The following TENM3 variants were observed in gnomAD, a reference collection of about 807,000 sequenced individuals.
TENM3 encodes teneurin-3.
TENM3 carries 63 observed loss-of-function variants against 255.1 expected under a neutral mutation model. That is an observed-to-expected ratio of 0.25 (90% CI 0.20 to 0.30). The LOEUF (loss-of-function observed/expected upper bound fraction) is 0.30. Ranked by LOEUF, TENM3 falls within the 10% of genes least tolerant of loss-of-function variation. The pLI, the probability that TENM3 is intolerant of heterozygous loss-of-function variation, is 1.00. For missense variants in TENM3, 2,929 were observed against 3,461.1 expected (o/e 0.85, Z 3.86); for synonymous variants, 1,306 against 1,322.3 (o/e 0.99, Z 0.27).
At chr4:181,494,316 C>T in the TENM3 span, among the ~76,000 whole-genome samples, 1 of 152,116 alleles carries the variant, frequency 6.6e-6, no homozygotes, top group Non-Finnish European at 1.5e-5. Context: ...CAGAGTTTTG[C>T]TCTTGTTGCC....
At chr4:182,441,312 T>C (rs1050520348) in intron 3 of TENM3, among the ~76,000 whole-genome samples, 2 of 152,156 alleles carry the variant, frequency 1.3e-5, no homozygotes, top group African/African-American at 4.8e-5. Context: ...CTTAGGAGTA[T>C]GTGAGAGAGA....
At chr4:181,943,739 G>T in the TENM3 span, among the ~76,000 whole-genome samples, 3 of 152,080 alleles carry the variant, frequency 2.0e-5, no homozygotes, top group African/African-American at 7.2e-5. Context: ...ATATGCAAAG[G>T]CTTTTGCATA....
chr4:182,476,379 A>G (rs1733685899), intron 3 of TENM3, among the ~76,000 whole-genome samples: 1 of 152,200 alleles, frequency 6.6e-6, no homozygotes, highest in Admixed American at 6.5e-5. Context: ...AAAACCTGAT[A>G]GCATATTAAA....
chr4:181,538,464 AG>A, the TENM3 span, among the ~76,000 whole-genome samples: 1 of 146,080 alleles, frequency 6.8e-6, no homozygotes, highest in Admixed American at 6.9e-5. Flanking sequence ...TGGGATGGGG[AG>A]GGGGGCGTGG....
chr4:181,601,145 T>C, the TENM3 span, among the ~76,000 whole-genome samples: 1 of 152,202 alleles, frequency 6.6e-6, no homozygotes, highest in South Asian at 2.1e-4. Flanking sequence ...ATGGCTGCTG[T>C]AACCAATGAC....
chr4:182,784,151 T>G (rs2152815637), intron 24 of TENM3, among the ~76,000 whole-genome samples: 1 of 152,264 alleles, frequency 6.6e-6, no homozygotes, highest in South Asian at 2.1e-4. Context: ...AGTTTCCAGT[T>G]TTTCTGTTCT....
the TENM3 span, among the ~76,000 whole-genome samples, chr4:182,068,136 T>G: frequency 6.6e-6 from 1 of 152,132 alleles, no homozygotes; most frequent in Non-Finnish European, 1.5e-5. Context: ...AGAGTGATGA[T>G]TTGAATGTTA....
intron 6 of TENM3, among the ~76,000 whole-genome samples, chr4:182,658,588 G>A (rs144534433): frequency 6.9e-4 from 105 of 152,270 alleles, no homozygotes; most frequent in African/African-American, 2.4e-3. Flanking sequence ...TAAACTCCAC[G>A]TGTCTAAAAC....
chr4:181,797,312 A>C, the TENM3 span, among the ~76,000 whole-genome samples: 2 of 152,102 alleles, frequency 1.3e-5, no homozygotes, highest in Non-Finnish European at 1.5e-5. Flanking sequence ...GGGCCAATAC[A>C]TAATGGTGAA....
At chr4:181,537,289 G>T in the TENM3 span, among the ~76,000 whole-genome samples, 3 of 151,978 alleles carry the variant, frequency 2.0e-5, no homozygotes, top group Admixed American at 2.0e-4. Context: ...ATTTACCCTG[G>T]GAATATGGCC....
At chr4:181,811,772 T>A in the TENM3 span, among the ~76,000 whole-genome samples, 2 of 152,296 alleles carry the variant, frequency 1.3e-5, no homozygotes, top group Admixed American at 6.5e-5. Flanking sequence ...GTGATTCAAT[T>A]ACCTCCACCT....
At chr4:181,654,230 GAAAAA>G in the TENM3 span, among the ~76,000 whole-genome samples, 2 of 110,564 alleles carry the variant, frequency 1.8e-5, no homozygotes, top group African/African-American at 3.3e-5. Flanking sequence ...CTGCCTTCAG[GAAAAA>G]AAAAAAAAAA....
chr4:182,756,164 G>A (rs998135971), intron 22 of TENM3, among the ~76,000 whole-genome samples: 8 of 152,212 alleles, frequency 5.3e-5, no homozygotes, highest in Non-Finnish European at 1.0e-4. Flanking sequence ...AGTGAACTTT[G>A]CTGATTACGT....
intron 3 of TENM3, among the ~76,000 whole-genome samples, chr4:182,376,965 G>A (rs1767217355): frequency 6.6e-6 from 1 of 152,114 alleles, no homozygotes; most frequent in African/African-American, 2.4e-5. Context: ...TCAGAATCAA[G>A]CTTTTCACAA....
intron 3 of TENM3, among the ~76,000 whole-genome samples, chr4:182,414,427 A>G (rs1005280341): frequency 1.3e-5 from 2 of 152,226 alleles, no homozygotes; most frequent in Admixed American, 6.5e-5. Context: ...AAGAACTCTA[A>G]GTGAAATCTA....
At chr4:181,487,215 C>G in the TENM3 span, among the ~76,000 whole-genome samples, 1 of 152,082 alleles carries the variant, frequency 6.6e-6, no homozygotes, top group Non-Finnish European at 1.5e-5. Flanking sequence ...GGATCCAACA[C>G]GCTTGTTTTA....
At chr4:181,809,689 G>A in the TENM3 span, among the ~76,000 whole-genome samples, 3 of 152,128 alleles carry the variant, frequency 2.0e-5, no homozygotes, top group Admixed American at 6.6e-5. Flanking sequence ...TACCTTGCAC[G>A]GCAAAAGGTA....
chr4:181,671,884 C>T, the TENM3 span, among the ~76,000 whole-genome samples: 11 of 152,056 alleles, frequency 7.2e-5, no homozygotes, highest in Non-Finnish European at 1.0e-4. Context: ...GGCCCAGGGA[C>T]GCATTTCTTA....
intron 5 of TENM3, among the ~76,000 whole-genome samples, chr4:182,637,095 G>C (rs1045476813): frequency 9.9e-5 from 15 of 152,052 alleles, no homozygotes; most frequent in African/African-American, 3.6e-4. Flanking sequence ...TGCATAGAGA[G>C]GAGTGAAAGA....
Sources: allele counts gnomAD v4.1 joint callset (sites outside exome capture counted in the v4.1 genomes callset), GRCh38; gene constraint gnomAD v4.1.1; transcripts MANE v1.5; gene names NCBI Gene and HGNC (gene_info 2026-07-23, HGNC 2026-07-21).